The following CAP2 variants were observed in gnomAD, a reference collection of about 807,000 sequenced individuals.
CAP2 encodes cyclase associated actin cytoskeleton regulatory protein 2, also known as adenylyl cyclase-associated protein 2.
A neutral mutation model predicts 57.7 loss-of-function variants in CAP2; 24 were observed. That is an observed-to-expected ratio of 0.42 (90% CI 0.30 to 0.58). The LOEUF (loss-of-function observed/expected upper bound fraction) is 0.58. Ranked by LOEUF, CAP2 falls within the 20% of genes least tolerant of loss-of-function variation. CAP2 has a pLI of 0.22. For synonymous variants in CAP2, 194 were observed against 207.2 expected, an observed-to-expected ratio of 0.94 and a Z score of 0.55; for missense variants, 501 against 590.3, an observed-to-expected ratio of 0.85 and a Z score of 1.57.
chr6:17,549,331 C>T (rs562991728), intron 11 of CAP2, among the ~76,000 whole-genome samples: 19 of 152,018 alleles, frequency 1.2e-4, no homozygotes, highest in Non-Finnish European at 1.8e-4. Context: ...GGCATGGTGA[C>T]GCATGCCTAT....
chr6:17,547,488 T>G lies in CAP2; in HGVS notation c.1210-3976T>G, dbSNP rs1489023354. On this transcript the variant is annotated intron_variant, in intron 11 of 12. Coordinates refer to ENST00000229922, the MANE Select transcript of CAP2 (RefSeq NM_006366.3). The stretch of plus-strand genomic sequence containing the variant: ...GAAAAAAAAAGAAAGAAAAAGAAAA[T>G]AAAGTCAGAAACAAGAAGAGAATTC... 3.3e-5 allele frequency among the ~76,000 whole-genome samples: 5 copies of G among 151,784 alleles called. No homozygotes were observed. In the East Asian group the frequency reaches 7.7e-4, roughly 23 times the overall value.
intron 11 of CAP2, among the ~76,000 whole-genome samples, chr6:17,543,346 G>A (rs761432719): frequency 3.9e-5 from 6 of 152,132 alleles, no homozygotes; most frequent in African/African-American, 9.7e-5. Flanking sequence ...AGCCAGTCGC[G>A]GTGGCTCACG....
intron 1 of CAP2, among the ~76,000 whole-genome samples, chr6:17,413,300 A>C (rs940920639): frequency 2.6e-5 from 4 of 152,170 alleles, no homozygotes; most frequent in Non-Finnish European, 5.9e-5. Context: ...GACTCTTGAA[A>C]CATCTTTGCA....
intron 4 of CAP2, among the ~76,000 whole-genome samples, chr6:17,489,780 G>T (rs1470199403): frequency 6.6e-6 from 1 of 151,808 alleles, no homozygotes; most frequent in Admixed American, 6.6e-5. Flanking sequence ...TCTGGAGCTG[G>T]GAAAACTGTA....
At chr6:17,556,295 G>A (rs1763312741) in intron 12 of CAP2, 64 bp from the exon 13 acceptor site, 14 of 1,170,886 alleles carry the variant, frequency 1.2e-5, no homozygotes, top group Non-Finnish European at 1.8e-5. Context: ...TTTGCAAAAG[G>A]AAGCCTTAGT....
chr6:17,431,850 C>A (rs1004468455), intron 3 of CAP2, among the ~76,000 whole-genome samples: 25 of 152,050 alleles, frequency 1.6e-4, no homozygotes, highest in African/African-American at 6.0e-4. Context: ...CATGAGGGAG[C>A]TATTCGGTTT....
chr6:17,501,115 A>G (rs1581573383), intron 4 of CAP2, among the ~76,000 whole-genome samples: 2 of 152,358 alleles, frequency 1.3e-5, no homozygotes, highest in Non-Finnish European at 2.9e-5. Flanking sequence ...GAGTTCTCAC[A>G]ATACACGCCA....
chr6:17,401,531 C>T (rs1227788339), intron 1 of CAP2, among the ~76,000 whole-genome samples: 2 of 152,122 alleles, frequency 1.3e-5, no homozygotes, highest in South Asian at 4.1e-4. Flanking sequence ...GCTACTCACC[C>T]CTCTCCAGTG....
intron 7 of CAP2, among the ~76,000 whole-genome samples, chr6:17,530,093 T>G (rs957239744): frequency 7.2e-5 from 11 of 152,186 alleles, no homozygotes; most frequent in Non-Finnish European, 1.5e-4. Context: ...TGCTTTTAGT[T>G]TTTGAGACAG....
intron 3 of CAP2, among the ~76,000 whole-genome samples, chr6:17,441,640 C>T (rs555408176): frequency 6.8e-6 from 1 of 147,042 alleles, no homozygotes; most frequent in Non-Finnish European, 1.5e-5. Flanking sequence ...CACACCACCA[C>T]GCTCAGCTAA....
At chr6:17,506,228 T>G (rs2113656052) in intron 4 of CAP2, among the ~76,000 whole-genome samples, 1 of 152,310 alleles carries the variant, frequency 6.6e-6, no homozygotes, top group Admixed American at 6.5e-5. Context: ...GTTATTTTTG[T>G]ATGAATGGAG....
chr6:17,535,569 T>C (rs1482713544), intron 7 of CAP2, among the ~76,000 whole-genome samples: 1 of 149,112 alleles, frequency 6.7e-6, no homozygotes, highest in Non-Finnish European at 1.5e-5. Context: ...CCACCGTGAC[T>C]GGCCATGACT....
intron 3 of CAP2, among the ~76,000 whole-genome samples, chr6:17,433,595 C>T (rs1317721766): frequency 2.6e-5 from 4 of 152,250 alleles, no homozygotes; most frequent in Non-Finnish European, 5.9e-5. Context: ...GGACAGAACT[C>T]TGTCCCTCTA....
At chr6:17,436,097 C>T (rs1759879527) in intron 3 of CAP2, among the ~76,000 whole-genome samples, 9 of 149,422 alleles carry the variant, frequency 6.0e-5, no homozygotes, top group African/African-American at 1.8e-4. Flanking sequence ...TTCCTTCCTT[C>T]CTTCCTTCCT....
chr6:17,534,385 A>G (rs1762721599), intron 7 of CAP2, among the ~76,000 whole-genome samples: 2 of 152,192 alleles, frequency 1.3e-5, no homozygotes, highest in African/African-American at 2.4e-5. Flanking sequence ...TGCAGTCTGC[A>G]GGCTATGGCT....
chr6:17,492,073 G>A (rs2113636217), intron 4 of CAP2, among the ~76,000 whole-genome samples: 1 of 152,326 alleles, frequency 6.6e-6, no homozygotes, highest in Admixed American at 6.5e-5. Context: ...GGAAGGAAAG[G>A]GTTTGACCTT....
chr6:17,465,075 G>A (rs1450878369), intron 4 of CAP2, among the ~76,000 whole-genome samples: 1 of 152,248 alleles, frequency 6.6e-6, no homozygotes, highest in African/African-American at 2.4e-5. Flanking sequence ...CATTGGGTCT[G>A]TGGCATTCCA....
At chr6:17,431,746 CT>C (rs1477170298) in intron 3 of CAP2, among the ~76,000 whole-genome samples, 3 of 152,136 alleles carry the variant, frequency 2.0e-5, no homozygotes, top group African/African-American at 7.2e-5. Context: ...GTCCCTTCAT[CT>C]GCTCCTTAAC....
chr6:17,431,288 C>T (rs1759725956), intron 3 of CAP2, among the ~76,000 whole-genome samples: 1 of 151,650 alleles, frequency 6.6e-6, no homozygotes, highest in African/African-American at 2.4e-5. Context: ...GTATGTGTAC[C>T]CCTGAACCTA....
Sources: allele counts gnomAD v4.1 joint callset (sites outside exome capture counted in the v4.1 genomes callset), GRCh38; gene constraint gnomAD v4.1.1; transcripts MANE v1.5; gene names NCBI Gene and HGNC (gene_info 2026-07-23, HGNC 2026-07-21).